MTAP: variants seen among roughly 807,000 people sequenced by gnomAD.
MTAP encodes methylthioadenosine phosphorylase.
MTAP carries 33 observed loss-of-function variants against 33.6 expected under a neutral mutation model. That is an observed-to-expected ratio of 0.98 (90% CI 0.74 to 1.31). MTAP has a LOEUF of 1.31. Among genes scored for constraint, MTAP ranks in the 40% most tolerant of loss-of-function variants. MTAP has a pLI of 0.00. For missense variants in MTAP, 367 were observed against 360.0 expected (o/e 1.02, Z -0.16); for synonymous variants, 148 against 125.7 (o/e 1.18, Z -1.19).
chr9:21,818,316 G>GTT, intron 4 of MTAP, 114 bp downstream of exon 4: 7 of 235,050 alleles, frequency 3.0e-5, no homozygotes, highest in South Asian at 2.3e-4. Flanking sequence ...AGACTCGCTT[G>GTT]CTTTTTTTTT....
At position 21,805,606 on chromosome 9, in the gene MTAP, C is replaced by T. The variant is rs144422514; in HGVS notation, c.33+2825C>T. 9.1e-3 allele frequency among the ~76,000 whole-genome samples: 1,389 copies of T among 152,266 alleles called. 11 individuals are homozygous for T. Among genetic ancestry groups the T allele is most frequent in the Non-Finnish European group, 0.014 (951 of 68,008 alleles). ...AATGTGATGGTATTAGAAGATGGGG[C>T]CTTTGGGCGTGATTGGGGTCATAAA... On this transcript the variant is annotated intron_variant, in intron 1 of 7. Coordinates refer to ENST00000644715, the MANE Select transcript of MTAP (RefSeq NM_002451.4).
chr9:21,824,901 A>G (rs1563835376), intron 4 of MTAP, among the ~76,000 whole-genome samples: 2 of 152,194 alleles, frequency 1.3e-5, no homozygotes, highest in African/African-American at 2.4e-5. Flanking sequence ...CCTCCGAGCT[A>G]TGCACGGGAT....
intron 1 of MTAP, among the ~76,000 whole-genome samples, chr9:21,888,515 A>G (rs952745096): frequency 6.6e-6 from 1 of 152,078 alleles, no homozygotes; most frequent in African/African-American, 2.4e-5. Context: ...TTAGGCGTAT[A>G]TATATTTTGG....
chr9:21,870,165 C>T (rs138949944), downstream of MTAP, among the ~76,000 whole-genome samples: 1,333 of 152,362 alleles, frequency 8.7e-3, 8 homozygotes, highest in Non-Finnish European at 0.014. Context: ...CCCCAAACAT[C>T]GTATTTTAAC....
intron 4 of MTAP, 51 bp downstream of exon 4, chr9:21,818,253 C>T: frequency 1.9e-6 from 3 of 1,561,652 alleles, no homozygotes; most frequent in Non-Finnish European, 1.7e-6. Flanking sequence ...TCATTTTCAG[C>T]TCAAATGGAC....
intron 4 of MTAP, among the ~76,000 whole-genome samples, chr9:21,826,621 A>ATTATTG (rs10668733): frequency 0.069 from 9,464 of 137,148 alleles, 352 homozygotes; most frequent in African/African-American, 0.099. Context: ...TATTATTATT[A>ATTATTG]TTATTATTAT....
chr9:21,935,014 G>A (rs1241277396), downstream of MTAP: 2 of 151,860 alleles, frequency 1.3e-5, no homozygotes, highest in Non-Finnish European at 2.9e-5. Flanking sequence ...TTTTTTTTAG[G>A]TTCTTGCTTT....
rs537472654 is a variant in MTAP, at chr9:21,846,466, C to T, written c.451-8165C>T. ...ACATGAATAGACAATTTTCAAAACA[C>T]ATGGCCAACACACATGAAAAAATGC... is the stretch of plus-strand genomic sequence containing the variant. On this transcript the variant is annotated intron_variant, in intron 5 of 7. Coordinates refer to ENST00000644715, the MANE Select transcript of MTAP (RefSeq NM_002451.4). Among the ~76,000 whole-genome samples, 275 of 151,040 alleles carry T rather than the reference C, an allele frequency of 1.8e-3. 1 individual carries two copies. The highest frequency in any genetic ancestry group is 6.2e-3 in the African/African-American group (254 of 41,252).
At chr9:21,918,133 G>A (rs1295439651) in intron 1 of MTAP, among the ~76,000 whole-genome samples, 1 of 129,352 alleles carries the variant, frequency 7.7e-6, no homozygotes, top group Non-Finnish European at 1.5e-5. Context: ...GGCGGATCAC[G>A]AGGTCAGGAG....
chr9:21,839,785 T>C (rs1161863637), intron 5 of MTAP, among the ~76,000 whole-genome samples: 2 of 152,248 alleles, frequency 1.3e-5, no homozygotes, highest in Non-Finnish European at 2.9e-5. Context: ...GCAAGCAAGA[T>C]ACTCAGTGGT....
At chr9:21,905,700 A>G (rs1421559867) in intron 1 of MTAP, among the ~76,000 whole-genome samples, 2 of 152,112 alleles carry the variant, frequency 1.3e-5, no homozygotes, top group Admixed American at 1.3e-4. Context: ...AGAAAGAAGG[A>G]GCTTCTGTTA....
chr9:21,901,995 C>T (rs1035242576), intron 1 of MTAP, among the ~76,000 whole-genome samples: 1 of 152,178 alleles, frequency 6.6e-6, no homozygotes, highest in African/African-American at 2.4e-5. Context: ...GTTAAGTCCA[C>T]ATGAAATCCC....
intron 1 of MTAP, among the ~76,000 whole-genome samples, chr9:21,890,152 C>T (rs1399705600): frequency 6.6e-6 from 1 of 151,850 alleles, no homozygotes; most frequent in Non-Finnish European, 1.5e-5. Context: ...GGTTCTTAAG[C>T]CGATGGAGTT....
At chr9:21,848,384 A>G (rs563465357) in intron 5 of MTAP, among the ~76,000 whole-genome samples, 39 of 151,076 alleles carry the variant, frequency 2.6e-4, no homozygotes, top group Non-Finnish European at 4.4e-4. Context: ...GTGTGGGATA[A>G]TGGTGGAAGG....
chr9:21,886,485 G>T (rs867258023), intron 1 of MTAP, among the ~76,000 whole-genome samples: 2 of 152,026 alleles, frequency 1.3e-5, no homozygotes, highest in South Asian at 2.1e-4. Context: ...CTTTGCTTTT[G>T]TTGCATTTGC....
At chr9:21,854,507 G>A in intron 5 of MTAP, 124 bp from the exon 6 acceptor site, 1 of 1,307,652 alleles carries the variant, frequency 7.6e-7, no homozygotes, top group Non-Finnish European at 1.0e-6. Context: ...CTGGCAGATA[G>A]TAGGCATTTA....
At chr9:21,916,838 G>A (rs1239366270) in intron 1 of MTAP, among the ~76,000 whole-genome samples, 2 of 151,406 alleles carry the variant, frequency 1.3e-5, no homozygotes, top group African/African-American at 2.4e-5. Flanking sequence ...AACTGTGAAA[G>A]AAAAAAAAAT....
At chr9:21,925,230 C>T (rs899236506) in intron 1 of MTAP, among the ~76,000 whole-genome samples, 1 of 152,192 alleles carries the variant, frequency 6.6e-6, no homozygotes, top group African/African-American at 2.4e-5. Flanking sequence ...GGAAACCCCA[C>T]CACTTTCCTA....
Position 21,814,338 on chromosome 9 carries a change from C to G in MTAP, c.34-1095C>G, listed in dbSNP as rs531512677. Among the ~76,000 whole-genome samples, 19 of 152,176 alleles carry G rather than the reference C, an allele frequency of 1.2e-4. No homozygotes were observed. In the South Asian group the frequency reaches 3.5e-3, roughly 28 times the overall value. ...TGCAGATGTTCACTGAATTCTTAAT[C>G]CTGGAATTTTTTTCTTGAGGCCTAC... On this transcript the variant is annotated intron_variant, in intron 1 of 7. Transcript: ENST00000644715.
Sources: gnomAD v4.1 joint callset for allele counts (sites outside exome capture counted in the v4.1 genomes callset) on GRCh38, gnomAD v4.1.1 for gene constraint, MANE v1.5 for transcripts, NCBI Gene and HGNC (gene_info 2026-07-23, HGNC 2026-07-21) for gene names.